Variants in ANK2 observed in about 807,000 individuals in gnomAD.
ANK2 encodes the protein ankyrin 2, also known as ankyrin-2.
ANK2 carries 83 observed loss-of-function variants against 360.5 expected under a neutral mutation model. The ratio of observed to expected loss-of-function variants is 0.23; its 90% CI spans 0.19 to 0.28. ANK2 has a LOEUF of 0.28. Ranked by LOEUF, ANK2 falls within the 10% of genes least tolerant of loss-of-function variation. The pLI, the probability that ANK2 is intolerant of heterozygous loss-of-function variation, is 1.00. For missense variants in ANK2, 4,201 were observed against 4,795.7 expected (o/e 0.88, Z 3.66); for synonymous variants, 1,740 against 1,759.5 (o/e 0.99, Z 0.28).
At position 112,997,907 on chromosome 4, in the gene ANK2, ATT is replaced by A. The variant is rs34955779; in HGVS notation, c.21+93404_21+93405del. Among the ~76,000 whole-genome samples the A allele has an allele frequency of 8.5e-3, 1,239 of 145,236 alleles. 19 individuals carry two copies. Among genetic ancestry groups the A allele is most frequent in the African/African-American group, 0.028 (1,097 of 39,752 alleles). On this transcript the variant is annotated intron_variant, in intron 2 of 30. Coordinates refer to the ANK2 transcript ENST00000503271. ...CACATACATTATAGAATTTTGGGCTATTTTTTTTTTTTCTAATTTTAGAGTCT... is the reference window on the plus strand; with the variant it reads ...CACATACATTATAGAATTTTGGGCTATTTTTTTTTTCTAATTTTAGAGTCT...
intron 1 of ANK2, among the ~76,000 whole-genome samples, chr4:113,097,895 C>T (rs1262183388): frequency 7.4e-5 from 9 of 122,020 alleles, no homozygotes; most frequent in Non-Finnish European, 1.5e-4. Context: ...CACACACGCA[C>T]ACACACATAT....
chr4:113,356,849 C>G lies in ANK2; in HGVS notation c.8231C>G (p.Ala2744Gly). ...EEEKDSESHLAEDRHAVSTEA... is the reference protein window; with the variant it reads ...EEEKDSESHLGEDRHAVSTEA... Reference sequence around the variant, plus strand: ...GAAAAAGATTCTGAATCCCATTTAGCTGAAGACCGTCATGCTGTTTCCACT... The same window carrying G: ...GAAAAAGATTCTGAATCCCATTTAGGTGAAGACCGTCATGCTGTTTCCACT... The change falls in exon 38 of 46, where the codon GCT (alanine) becomes GGT (glycine). Residue 2744 changes from alanine (A) to glycine (G), a missense_variant. By Grantham distance (60) the Ala-to-Gly change is moderately conservative. Transcript: ENST00000357077. 6.2e-7 allele frequency: 1 copy of G among 1,614,046 alleles called. No individual in the cohort carries two copies. Among genetic ancestry groups the G allele is most frequent in the Non-Finnish European group, 8.5e-7 (1 of 1,179,980 alleles).
At chr4:113,068,398 C>G (rs906719950) in intron 1 of ANK2, among the ~76,000 whole-genome samples, 1 of 152,136 alleles carries the variant, frequency 6.6e-6, no homozygotes. Context: ...CCCTTGTTTG[C>G]TTGTACCATT....
At position 112,934,562 on chromosome 4, in the gene ANK2, C is replaced by T. The variant is rs560474813; in HGVS notation, c.21+30048C>T. On this transcript the variant is annotated intron_variant, in intron 2 of 30. Coordinates refer to the ANK2 transcript ENST00000503271. ...ATTAGATTCCACGACCACATTTCCT[C>T]TTTCAGCCCCGCTTCCTCTCCTCAG... 2.5e-3 allele frequency among the ~76,000 whole-genome samples: 377 copies of T among 152,298 alleles called. 3 individuals are homozygous for T. Among genetic ancestry groups the T allele is most frequent in the African/African-American group, 7.3e-3 (305 of 41,558 alleles).
chr4:112,803,748 G>T, the ANK2 span, among the ~76,000 whole-genome samples: 1 of 152,034 alleles, frequency 6.6e-6, no homozygotes, highest in South Asian at 2.1e-4. Context: ...ATTTTATTTG[G>T]TAACCATATA....
At chr4:113,351,761 A>G (rs1419461232) in intron 37 of ANK2, among the ~76,000 whole-genome samples, 2 of 152,168 alleles carry the variant, frequency 1.3e-5, no homozygotes, top group Non-Finnish European at 2.9e-5. Flanking sequence ...CTATGATGCC[A>G]TGGATTTTCC....
intron 1 of ANK2, among the ~76,000 whole-genome samples, chr4:112,864,798 C>T (rs533707185): frequency 2.7e-5 from 4 of 150,318 alleles, no homozygotes; most frequent in East Asian, 4.0e-4. Flanking sequence ...TTTGGGAGGC[C>T]GAGGCGGGCG....
At chr4:112,785,575 G>T in the ANK2 span, among the ~76,000 whole-genome samples, 1 of 152,006 alleles carries the variant, frequency 6.6e-6, no homozygotes, top group African/African-American at 2.4e-5. Context: ...GTTTCACCAT[G>T]TTGGTCAGGC....
rs1170628656 is a variant in ANK2, at chr4:112,981,018, G to GT, written c.21+76505dup. On this transcript the variant is annotated intron_variant, in intron 2 of 30. Transcript: ENST00000503271. The stretch of plus-strand genomic sequence containing the variant: ...AGTTGAGTTATAAACGAAGATCTGC[G>GT]TGATTACAAGGCTTGTATACACTTG... 2.8e-4 allele frequency among the ~76,000 whole-genome samples: 43 copies of GT among 152,234 alleles called. 1 individual carries two copies. Among genetic ancestry groups the GT allele is most frequent in the African/African-American group, 1.0e-3 (43 of 41,472 alleles).
chr4:112,741,986 G>A, the ANK2 span, among the ~76,000 whole-genome samples: 1 of 152,126 alleles, frequency 6.6e-6, no homozygotes, highest in Admixed American at 6.6e-5. Flanking sequence ...TTACTGTTTA[G>A]AGAAGAGTAC....
chr4:112,792,284 G>A, the ANK2 span, among the ~76,000 whole-genome samples: 5 of 151,792 alleles, frequency 3.3e-5, no homozygotes, highest in East Asian at 1.9e-4. Context: ...CAGGCTATCC[G>A]CCCACCTCAG....
rs149043752 is a variant in ANK2 at position 113,358,443 on chromosome 4, T to G, written c.9825T>G (p.Asp3275Glu). The change falls in exon 38 of 46, where the codon GAT becomes GAG. Residue 3275 changes from aspartate to glutamate, a missense_variant. Transcript: ENST00000357077. ...VYSDRGDDSP[D>E]SSPEEQKSVI... ...CAGATAGGGGTGATGATTCTCCCGA[T>G]TCTTCCCCAGAAGAACAGAAATCAG... The G allele has an allele frequency of 4.2e-4, 672 of 1,613,984 alleles. No individual in the cohort carries two copies. Among genetic ancestry groups the G allele is most frequent in the Non-Finnish European group, 5.1e-4 (602 of 1,179,964 alleles).
At chr4:113,233,461 C>T (rs1349668466) in intron 5 of ANK2, among the ~76,000 whole-genome samples, 2 of 152,046 alleles carry the variant, frequency 1.3e-5, no homozygotes, top group South Asian at 2.1e-4. Flanking sequence ...TTTGTGGCCC[C>T]ACTGATAAAA....
chr4:112,767,526 A>G, the ANK2 span, among the ~76,000 whole-genome samples: 1 of 151,746 alleles, frequency 6.6e-6, no homozygotes, highest in Non-Finnish European at 1.5e-5. Flanking sequence ...GTGTCACTGC[A>G]CTCCAGCCTG....
chr4:113,087,040 A>G (rs2085185539), intron 1 of ANK2, among the ~76,000 whole-genome samples: 1 of 152,228 alleles, frequency 6.6e-6, no homozygotes, highest in African/African-American at 2.4e-5. Flanking sequence ...CAAAAAGGTT[A>G]CATTCAAATA....
intron 41 of ANK2, among the ~76,000 whole-genome samples, chr4:113,366,839 C>T (rs61466013): frequency 0.018 from 2,788 of 152,178 alleles, 85 homozygotes; most frequent in African/African-American, 0.062. Context: ...TCAGTGGGGA[C>T]GGAAGCTTTT....
At chr4:113,050,508 T>C (rs968486593) in intron 1 of ANK2, among the ~76,000 whole-genome samples, 6 of 152,180 alleles carry the variant, frequency 3.9e-5, no homozygotes, top group Non-Finnish European at 7.4e-5. Context: ...ATGGAAATGA[T>C]AGCAGCGAGA....
intron 4 of ANK2, among the ~76,000 whole-genome samples, chr4:113,231,194 G>A (rs2099296766): frequency 6.6e-6 from 1 of 151,984 alleles, no homozygotes. Context: ...TGGGATTACA[G>A]GCATGTGCCA....
intron 2 of ANK2, among the ~76,000 whole-genome samples, chr4:112,967,124 A>G (rs980933558): frequency 6.6e-6 from 1 of 152,182 alleles, no homozygotes; most frequent in Admixed American, 6.5e-5. Context: ...ATCCTGAAAT[A>G]TGATGGTGTT....
Sources: gnomAD v4.1 joint callset for allele counts (sites outside exome capture counted in the v4.1 genomes callset) on GRCh38, gnomAD v4.1.1 for gene constraint, MANE v1.5 for transcripts, NCBI Gene and HGNC (gene_info 2026-07-23, HGNC 2026-07-21) for gene names.